The following ZNF536 variants were observed in gnomAD, a reference collection of about 807,000 sequenced individuals.
ZNF536 encodes the protein zinc finger protein 536.
ZNF536 carries 13 observed loss-of-function variants against 84.5 expected under a neutral mutation model. That is an observed-to-expected ratio of 0.15 (90% confidence interval 0.10 to 0.24). The LOEUF (loss-of-function observed/expected upper bound fraction) is 0.24. ZNF536 is among the 10% of genes least tolerant of loss of function. The pLI is 1.00. For synonymous variants in ZNF536, 811 were observed against 742.5 expected (o/e 1.09, Z -1.50); for missense variants, 1,536 against 1,747.5 (o/e 0.88, Z 2.16).
chr19:30,711,294 G>T (rs545658022), exon 2 of ZNF536: 1 of 152,146 alleles, frequency 6.6e-6, no homozygotes, highest in African/African-American at 2.4e-5. Flanking sequence ...GGAGAGAGCT[G>T]GGGGCCCTTC....
rs36068422 is a variant in ZNF536 at position 30,499,033 on chromosome 19, CTT to C, written c.2171-35802_2171-35801del. 2.4e-3 allele frequency among the ~76,000 whole-genome samples: 326 copies of C among 134,452 alleles called. 2 individuals are homozygous for C. Among genetic ancestry groups the C allele is most frequent in the Non-Finnish European group, 3.8e-3 (231 of 60,708 alleles). 88.2% of individuals were successfully genotyped at this position (134,452 alleles called of 152,430 possible). ...CTCTTATTTGGTACTTCTTTTTCTT[CTT>C]TTTTTTTTTTTCAAATGCCATTGAA... is the stretch of plus-strand genomic sequence containing the variant. On this transcript the variant is annotated intron_variant, in intron 2 of 4. Coordinates refer to ENST00000355537, the MANE Select transcript of ZNF536 (RefSeq NM_014717.3).
chr19:30,507,275 CG>C (rs1417102884), intron 2 of ZNF536, among the ~76,000 whole-genome samples: 1 of 151,770 alleles, frequency 6.6e-6, no homozygotes, highest in Non-Finnish European at 1.5e-5. Flanking sequence ...GGCCTGAACC[CG>C]GATGGCAGAG....
intron 1 of ZNF536, among the ~76,000 whole-genome samples, chr19:30,381,148 G>T (rs981909649): frequency 6.6e-6 from 1 of 152,198 alleles, no homozygotes; most frequent in African/African-American, 2.4e-5. Flanking sequence ...AAAGCACTGG[G>T]ATTACAGGTG....
chr19:30,480,664 A>G (rs773375290), intron 2 of ZNF536, among the ~76,000 whole-genome samples: 14 of 152,208 alleles, frequency 9.2e-5, no homozygotes, highest in African/African-American at 1.4e-4. Flanking sequence ...ATGTATACCT[A>G]TGTAACAAAC....
chr19:30,249,609 C>T (rs895413004), intron 1 of ZNF536, among the ~76,000 whole-genome samples: 2 of 152,220 alleles, frequency 1.3e-5, no homozygotes, highest in Non-Finnish European at 2.9e-5. Context: ...GCCCTGACTG[C>T]ACCCCACCTT....
At chr19:30,405,854 T>C (rs1362780677) in intron 1 of ZNF536, among the ~76,000 whole-genome samples, 2 of 151,994 alleles carry the variant, frequency 1.3e-5, no homozygotes, top group Admixed American at 1.3e-4. Context: ...CTCCACTCAC[T>C]GCAACCTCCA....
At chr19:30,656,093 G>A (rs1310069829) in intron 1 of ZNF536, among the ~76,000 whole-genome samples, 3 of 152,008 alleles carry the variant, frequency 2.0e-5, no homozygotes, top group African/African-American at 7.2e-5. Flanking sequence ...GTATTTGAGA[G>A]GGCTCAAAAA....
At chr19:30,235,283 C>T (rs1324577421) in intron 1 of ZNF536, among the ~76,000 whole-genome samples, 1 of 152,230 alleles carries the variant, frequency 6.6e-6, no homozygotes, top group African/African-American at 2.4e-5. Flanking sequence ...TGGAAGCCAG[C>T]TGCATTGGCC....
In ZNF536 at chr19:30,538,701, C is replaced by A. The variant is rs537838925; in HGVS notation, c.2323+3702C>A. ...GAGGCTGCCTCACTCTGGCTCCAGG[C>A]AGGGCAGACGTTGATGGCTGCTTGA... On this transcript the variant is annotated intron_variant, in intron 3 of 4. Coordinates refer to ENST00000355537, the MANE Select transcript of ZNF536 (RefSeq NM_014717.3). 4.6e-5 allele frequency among the ~76,000 whole-genome samples: 7 copies of A among 152,312 alleles called. No individual in the cohort carries two copies. The South Asian group carries it at 1.2e-3, about 27-fold the overall frequency.
intron 1 of ZNF536, among the ~76,000 whole-genome samples, chr19:30,592,860 G>A (rs1046841708): frequency 1.3e-5 from 2 of 152,130 alleles, no homozygotes; most frequent in African/African-American, 4.8e-5. Flanking sequence ...TTCTCACTTA[G>A]GTGTTACATG....
At chr19:30,300,370 C>A (rs556989925) in intron 2 of ZNF536, 3 of 152,278 alleles carry the variant, frequency 2.0e-5, no homozygotes, top group African/African-American at 7.2e-5. Flanking sequence ...AGGAGCCTTC[C>A]TGTCCTCTGT....
chr19:30,613,755 A>T (rs979011780), intron 1 of ZNF536, among the ~76,000 whole-genome samples: 1 of 152,270 alleles, frequency 6.6e-6, no homozygotes, highest in Non-Finnish European at 1.5e-5. Context: ...GCGACCATAG[A>T]TAATGAGTAT....
intron 2 of ZNF536, among the ~76,000 whole-genome samples, chr19:30,313,139 C>T (rs1232733621): frequency 6.6e-6 from 1 of 152,228 alleles, no homozygotes; most frequent in Non-Finnish European, 1.5e-5. Flanking sequence ...CCGGGGCACT[C>T]ACAAGGATCT....
intron 1 of ZNF536, among the ~76,000 whole-genome samples, chr19:30,673,296 A>G (rs970085537): frequency 6.6e-6 from 1 of 151,958 alleles, no homozygotes; most frequent in East Asian, 1.9e-4. Flanking sequence ...ACATGACATC[A>G]CTGTTGTTTC....
At chr19:30,546,385 T>A (rs2045559024) in intron 3 of ZNF536, among the ~76,000 whole-genome samples, 1 of 152,222 alleles carries the variant, frequency 6.6e-6, no homozygotes, top group Non-Finnish European at 1.5e-5. Context: ...TTCCTAGACC[T>A]AAGGGCCACC....
intron 2 of ZNF536, among the ~76,000 whole-genome samples, chr19:30,287,073 C>T (rs893238832): frequency 5.9e-5 from 9 of 152,182 alleles, no homozygotes; most frequent in African/African-American, 1.7e-4. Context: ...CCTACTGCGA[C>T]GTAAGAGTGG....
intron 2 of ZNF536, among the ~76,000 whole-genome samples, chr19:30,461,862 C>A (rs73924761): frequency 9.2e-5 from 14 of 152,120 alleles, no homozygotes; most frequent in African/African-American, 3.4e-4. Flanking sequence ...GGTAGAAGAA[C>A]GTTGCTGGCA....
At chr19:30,464,362 G>A (rs1443319727) in intron 2 of ZNF536, among the ~76,000 whole-genome samples, 2 of 152,166 alleles carry the variant, frequency 1.3e-5, no homozygotes, top group African/African-American at 4.8e-5. Context: ...AGACGGCGCT[G>A]GGCCCTCGAG....
chr19:30,544,779 C>G (rs10418356), intron 3 of ZNF536, among the ~76,000 whole-genome samples: 8,166 of 152,260 alleles, frequency 0.054, 357 homozygotes, highest in South Asian at 0.12. Flanking sequence ...AGCACTGGCT[C>G]TATTCAGGAG....
Sources: allele counts gnomAD v4.1 joint callset (sites outside exome capture counted in the v4.1 genomes callset), GRCh38; gene constraint gnomAD v4.1.1; transcripts MANE v1.5; gene names NCBI Gene and HGNC (gene_info 2026-07-23, HGNC 2026-07-21).